Variants in SLC38A9 observed in about 807,000 individuals in gnomAD.
SLC38A9 encodes neutral amino acid transporter 9.
Under a neutral mutation model 62.3 loss-of-function variants are expected in SLC38A9, and 48 were observed. The observed-to-expected ratio is 0.77, with a 90% CI of 0.61 to 0.98. The LOEUF (loss-of-function observed/expected upper bound fraction) is 0.98, where lower values mean the gene tolerates loss of function less well. Ranked by LOEUF, SLC38A9 falls within the 50% of genes least tolerant of loss-of-function variation. The pLI is 0.00. For synonymous variants in SLC38A9, 204 were observed against 227.7 expected (o/e 0.90, Z 0.94); for missense variants, 541 against 679.8 (o/e 0.80, Z 2.27).
At chr5:55,665,924 C>A (rs1750386908) in intron 7 of SLC38A9, among the ~76,000 whole-genome samples, 1 of 152,096 alleles carries the variant, frequency 6.6e-6, no homozygotes, top group African/African-American at 2.4e-5. Context: ...GATCCCACCA[C>A]TGCACCAAAA....
chr5:55,691,208 T>G, intron 3 of SLC38A9: 1 of 945,008 alleles, frequency 1.1e-6, no homozygotes, highest in Non-Finnish European at 1.6e-6. Context: ...CATGTTAAAA[T>G]GCAAATAGCC....
Position 55,645,820 on chromosome 5 carries a change from AGT to A in SLC38A9, c.1134_1135del (p.Leu380GlufsTer46). On this transcript the variant is annotated frameshift_variant, in exon 12 of 16. Coordinates refer to ENST00000396865, the MANE Select transcript of SLC38A9 (RefSeq NM_173514.4). LOFTEE classifies it high-confidence loss of function. ...TTCTTGTTTCTTGTTGTTCTTCAAG[AGT>A]GTGATGATACAATTATGAATAAAAA... is the stretch of plus-strand genomic sequence containing the variant. 1 of 1,611,134 alleles carries A rather than the reference AGT, an allele frequency of 6.2e-7. No homozygotes were observed. The highest frequency in any genetic ancestry group is 8.5e-7 in the Non-Finnish European group (1 of 1,178,468).
At chr5:55,678,841 T>C (rs1405104473) in intron 3 of SLC38A9, among the ~76,000 whole-genome samples, 4 of 151,674 alleles carry the variant, frequency 2.6e-5, no homozygotes, top group Non-Finnish European at 5.9e-5. Flanking sequence ...TTTAATTTTT[T>C]GTAGAGATGA....
Position 55,652,708 on chromosome 5 carries a change from G to A in SLC38A9, c.773C>T (p.Ala258Val), listed in dbSNP as rs761154204. ...GTTGTCAGGATGGCCTCCACTCCCGGCACTTGGACAAATCACTGCAATAGG... is the reference window on the plus strand; with the variant it reads ...GTTGTCAGGATGGCCTCCACTCCCGACACTTGGACAAATCACTGCAATAGG... ...NNSNPVICPS[A>V]GSGGHPDNSS... The change falls in exon 10 of 16, where the codon GCC becomes GTC. Residue 258 changes from alanine (A) to valine (V), a missense_variant. Transcript: ENST00000396865. The A allele has an allele frequency of 2.5e-6, 4 of 1,611,210 alleles. No homozygotes were observed. The highest frequency in any genetic ancestry group is 3.4e-6 in the Non-Finnish European group (4 of 1,178,550).
chr5:55,661,926 C>T (rs1749646691), intron 8 of SLC38A9, among the ~76,000 whole-genome samples: 1 of 151,814 alleles, frequency 6.6e-6, no homozygotes, highest in Non-Finnish European at 1.5e-5. Context: ...TGATTAATGC[C>T]ACTCCTTATG....
chr5:55,660,987 C>A (rs1363946912), intron 8 of SLC38A9, among the ~76,000 whole-genome samples: 1 of 148,050 alleles, frequency 6.8e-6, no homozygotes, highest in Non-Finnish European at 1.5e-5. Context: ...ATAAAAACTG[C>A]ATATTTGTAT....
intron 3 of SLC38A9, chr5:55,691,218 CATGGAAATGTA>C (rs1754692554): frequency 1.0e-6 from 1 of 976,082 alleles, no homozygotes; most frequent in Non-Finnish European, 1.6e-6. Flanking sequence ...TGCAAATAGC[CATGGAAATGTA>C]ATAGACTAAG....
At chr5:55,690,989 G>C (rs899956038) in intron 3 of SLC38A9, among the ~76,000 whole-genome samples, 2 of 152,192 alleles carry the variant, frequency 1.3e-5, no homozygotes, top group African/African-American at 4.8e-5. Flanking sequence ...TATAGTGACA[G>C]TATTAGTGAC....
intron 2 of SLC38A9, among the ~76,000 whole-genome samples, chr5:55,703,189 C>A (rs1756880719): frequency 8.6e-6 from 1 of 116,894 alleles, no homozygotes; most frequent in South Asian, 3.3e-4. Context: ...ATGATCCCTA[C>A]CCTCAATAAA....
At chr5:55,680,340 T>C (rs1407115066) in intron 3 of SLC38A9, among the ~76,000 whole-genome samples, 1 of 152,244 alleles carries the variant, frequency 6.6e-6, no homozygotes, top group Non-Finnish European at 1.5e-5. Context: ...CTTGTTCCTT[T>C]CCCATATCTT....
intron 9 of SLC38A9, among the ~76,000 whole-genome samples, chr5:55,654,498 G>A (rs570213801): frequency 1.3e-4 from 20 of 152,138 alleles, no homozygotes; most frequent in Middle Eastern, 3.4e-3. Context: ...CCAGCTACTC[G>A]GGAGGTGGAG....
intron 14 of SLC38A9, chr5:55,633,468 C>T (rs544760804): frequency 6.8e-6 from 2 of 294,792 alleles, no homozygotes; most frequent in South Asian, 1.3e-4. Context: ...ACACTATAAA[C>T]TTCTTGACAA....
chr5:55,691,757 T>C (rs13155659), intron 3 of SLC38A9, among the ~76,000 whole-genome samples: 108,140 of 152,028 alleles, frequency 0.71, 38,540 homozygotes, highest in South Asian at 0.82. Flanking sequence ...TCCACTCACA[T>C]TCCTTATTCC....
intron 3 of SLC38A9, among the ~76,000 whole-genome samples, chr5:55,695,640 A>C: frequency 1.1e-5 from 1 of 93,118 alleles, no homozygotes; most frequent in East Asian, 2.6e-4. Context: ...AGTACAGAAC[A>C]AAATGAAAAG....
intron 2 of SLC38A9, among the ~76,000 whole-genome samples, chr5:55,705,439 C>CAAAAAAAAAAAAAAAAA (rs67490309): frequency 4.0e-5 from 5 of 125,610 alleles, no homozygotes; most frequent in Non-Finnish European, 5.0e-5. Flanking sequence ...CTTCATATTA[C>CAAAAAAAAAAAAAAAAA]AAAAAAAAAA....
In SLC38A9 at chr5:55,695,880, G is replaced by A. The variant is rs1268049423; in HGVS notation, c.113+1966C>T. ...CGCCCCTCACCTCCCGGATGGGGCG[G>A]CTGGCCGGGCGGGGGGCTAACCCCC... On this transcript the variant is annotated intron_variant, in intron 3 of 15. Transcript: ENST00000396865. 3.5e-4 allele frequency: 29 copies of A among 82,348 alleles called. 3 individuals carry two copies. In the East Asian group the frequency reaches 8.8e-3, roughly 25 times the overall value. 5.1% of individuals were successfully genotyped at this position (82,348 alleles called of 1,614,324 possible).
intron 12 of SLC38A9, 38 bp downstream of exon 12, chr5:55,645,751 G>T: frequency 7.2e-7 from 1 of 1,383,582 alleles, no homozygotes; most frequent in East Asian, 2.3e-5. Context: ...ATTTATCCTC[G>T]GGAGATACAA....
intron 8 of SLC38A9, among the ~76,000 whole-genome samples, chr5:55,657,257 T>C (rs926960234): frequency 1.3e-5 from 2 of 152,226 alleles, no homozygotes; most frequent in African/African-American, 4.8e-5. Context: ...ATGATAATGT[T>C]AGTGTCTTCA....
At chr5:55,659,949 G>A (rs1359769559) in intron 8 of SLC38A9, among the ~76,000 whole-genome samples, 3 of 150,832 alleles carry the variant, frequency 2.0e-5, no homozygotes, top group African/African-American at 7.3e-5. Context: ...TGTACTTTTA[G>A]TAGAGACAGG....
Sources: gnomAD v4.1 joint callset for allele counts (sites outside exome capture counted in the v4.1 genomes callset) on GRCh38, gnomAD v4.1.1 for gene constraint, MANE v1.5 for transcripts, NCBI Gene and HGNC (gene_info 2026-07-23, HGNC 2026-07-21) for gene names.